Variants in PTPN20 observed in about 807,000 individuals in gnomAD.
PTPN20 encodes the protein tyrosine-protein phosphatase non-receptor type 20.
In PTPN20, 9 loss-of-function variants were observed where a neutral mutation model predicts 35.0. The ratio of observed to expected loss-of-function variants is 0.26; its 90% confidence interval spans 0.15 to 0.45. The LOEUF is 0.45. Among genes scored for constraint, PTPN20 ranks in the 20% least tolerant of loss-of-function variants. PTPN20 has a pLI of 1.00. For synonymous variants in PTPN20, 32 were observed against 100.2 expected (o/e 0.32, Z 4.06); for missense variants, 111 against 312.5 (o/e 0.36, Z 4.86).
At position 47,000,719 on chromosome 10, in the gene PTPN20, G is replaced by A. The variant is rs1203286353; in HGVS notation, c.1241G>A (p.Arg414Gln). Residue 414 changes from arginine to glutamine, a missense_variant, in exon 11 of 11, where the codon CGG (arginine) becomes CAG (glutamine). Transcript: ENST00000374339. ...TACGATATTGTGCTTGAAGTTCTTCGGAAACTTCTGACTTTGGATTAAGAA... is the reference window on the plus strand; with the variant it reads ...TACGATATTGTGCTTGAAGTTCTTCAGAAACTTCTGACTTTGGATTAAGAA... ...FCYDIVLEVL[R>Q]KLLTLD The A allele has an allele frequency of 1.2e-5, 20 of 1,613,422 alleles. No homozygotes were observed. Among genetic ancestry groups the A allele is most frequent in the African/African-American group, 8.0e-5 (6 of 74,950 alleles).
rs2059970663 is a variant in PTPN20 at position 47,000,947 on chromosome 10, C to T, written c.*206C>T. 4.8e-6 allele frequency: 3 copies of T among 628,852 alleles called. No homozygotes were observed. Among genetic ancestry groups the T allele is most frequent in the Admixed American group, 5.9e-5 (2 of 34,038 alleles). 39.0% of individuals were successfully genotyped at this position (628,852 alleles called of 1,614,324 possible). ...GTGTTTACTTATTGATCTTGCTAGA[C>T]AATATCAAAATAACTTCCCACATTT... On this transcript the variant is annotated 3_prime_UTR_variant, in exon 11 of 11. Coordinates refer to ENST00000374339, the MANE Select transcript of PTPN20 (RefSeq NM_001042357.5).
chr10:46,937,936 T>G (rs1465649856), intron 2 of PTPN20, among the ~76,000 whole-genome samples: 5 of 135,120 alleles, frequency 3.7e-5, no homozygotes, highest in African/African-American at 1.5e-4. Flanking sequence ...TTTCTTCTTT[T>G]TTCTTTTTCT....
chr10:46,949,313 G>C (rs1240684730), intron 5 of PTPN20, among the ~76,000 whole-genome samples: 1 of 152,208 alleles, frequency 6.6e-6, no homozygotes, highest in Non-Finnish European at 1.5e-5. Context: ...GTGGCTTTAC[G>C]CTGTTCTGTA....
In PTPN20 at chr10:46,995,883, GT is replaced by G. The variant is rs1363949079; in HGVS notation, c.1135-4022del. ...CCAATTCTCTTACTGCCTACTTAGAGTTTTTTTCCCATCTCTGTGGATCCAG... is the reference window on the plus strand; with the variant it reads ...CCAATTCTCTTACTGCCTACTTAGAGTTTTTTCCCATCTCTGTGGATCCAG... On this transcript the variant is annotated intron_variant, in intron 9 of 10. Transcript: ENST00000374339. Among the ~76,000 whole-genome samples the G allele has an allele frequency of 7.3e-3, 1,106 of 152,088 alleles. 8 individuals are homozygous for G. Among genetic ancestry groups the G allele is most frequent in the African/African-American group, 0.025 (1,029 of 41,484 alleles).
At chr10:46,998,338 C>G (rs2059505755) in intron 9 of PTPN20, among the ~76,000 whole-genome samples, 1 of 152,140 alleles carries the variant, frequency 6.6e-6, no homozygotes, top group Admixed American at 6.5e-5. Flanking sequence ...TTGGATGGAT[C>G]TCCAAGTTAT....
chr10:46,960,991 T>TA (rs1383371297), intron 5 of PTPN20, among the ~76,000 whole-genome samples: 2 of 100,642 alleles, frequency 2.0e-5, no homozygotes, highest in Non-Finnish European at 4.0e-5. Flanking sequence ...CTTAGTCAAC[T>TA]AGTAGTCATC....
chr10:46,997,564 AG>A (rs2137947670), intron 9 of PTPN20, among the ~76,000 whole-genome samples: 1 of 151,994 alleles, frequency 6.6e-6, no homozygotes, highest in South Asian at 2.1e-4. Context: ...CACTGATCTC[AG>A]AGGGAAAGCA....
At chr10:46,928,034 G>A (rs1480036012) in intron 1 of PTPN20, among the ~76,000 whole-genome samples, 2 of 150,278 alleles carry the variant, frequency 1.3e-5, no homozygotes, top group East Asian at 4.0e-4. Context: ...AGATAACAGA[G>A]TCATTTCAGA....
chr10:46,988,886 CTTT>C (rs1213380344), intron 9 of PTPN20, among the ~76,000 whole-genome samples: 11 of 149,768 alleles, frequency 7.3e-5, no homozygotes, highest in African/African-American at 2.7e-4. Context: ...AGATCACCTT[CTTT>C]ATTTCCTTTC....
chr10:46,936,766 CG>C (rs1220276158), intron 2 of PTPN20, among the ~76,000 whole-genome samples: 1 of 146,394 alleles, frequency 6.8e-6, no homozygotes, highest in Non-Finnish European at 1.5e-5. Flanking sequence ...TGTGGGTAAG[CG>C]GGAACTGCTT....
At chr10:46,959,104 A>G (rs1186942791) in intron 5 of PTPN20, among the ~76,000 whole-genome samples, 1 of 142,856 alleles carries the variant, frequency 7.0e-6, no homozygotes, top group Admixed American at 7.1e-5. Context: ...TGAAAATGGG[A>G]TATTGAAATC....
chr10:46,983,778 G>A (rs1555172191), intron 7 of PTPN20, among the ~76,000 whole-genome samples: 1 of 142,064 alleles, frequency 7.0e-6, no homozygotes, highest in East Asian at 2.0e-4. Context: ...TCAACTATCA[G>A]ATTTTTTTTT....
chr10:46,926,812 A>G (rs1359880156), intron 1 of PTPN20, among the ~76,000 whole-genome samples: 1 of 151,708 alleles, frequency 6.6e-6, no homozygotes, highest in Non-Finnish European at 1.5e-5. Context: ...TCTGAATAAC[A>G]AGGTATGGAA....
rs1484570219 is a variant in PTPN20, at chr10:46,997,572, A to G, written c.1135-2340A>G. 5.3e-5 allele frequency among the ~76,000 whole-genome samples: 8 copies of G among 152,028 alleles called. 1 individual carries two copies. The South Asian group carries it at 1.2e-3, about 24-fold the overall frequency. ...TTGCCATCACTGATCTCAGAGGGAA[A>G]GCAAACTAAAATTTTATGTTTTGTG... is the stretch of plus-strand genomic sequence containing the variant. On this transcript the variant is annotated intron_variant, in intron 9 of 10. Transcript: ENST00000374339.
intron 7 of PTPN20, among the ~76,000 whole-genome samples, chr10:46,976,971 G>A (rs2053873982): frequency 1.3e-5 from 2 of 151,314 alleles, no homozygotes; most frequent in African/African-American, 4.9e-5. Context: ...TTGTTTAATG[G>A]TTAATTTCAT....
chr10:46,960,767 T>A (rs1195259301), intron 5 of PTPN20, among the ~76,000 whole-genome samples: 16 of 151,980 alleles, frequency 1.1e-4, no homozygotes, highest in South Asian at 2.1e-4. Flanking sequence ...AGTAAAAATG[T>A]CTTATCCATG....
At chr10:46,988,858 T>A (rs1303314900) in intron 9 of PTPN20, among the ~76,000 whole-genome samples, 4 of 151,610 alleles carry the variant, frequency 2.6e-5, no homozygotes, top group South Asian at 2.1e-4. Flanking sequence ...TTTTTTTTTT[T>A]AATAGCTATT....
chr10:46,950,875 G>A (rs1555145519), intron 5 of PTPN20, among the ~76,000 whole-genome samples: 1 of 151,778 alleles, frequency 6.6e-6, no homozygotes, highest in Non-Finnish European at 1.5e-5. Flanking sequence ...TGCAACCATA[G>A]TTTTTAAAAT....
At chr10:46,998,859 C>T (rs1001142130) in intron 9 of PTPN20, among the ~76,000 whole-genome samples, 133 of 152,176 alleles carry the variant, frequency 8.7e-4, no homozygotes, top group African/African-American at 3.1e-3. Context: ...TGGTGGCTGA[C>T]GCCTATAATC....
Sources: allele counts gnomAD v4.1 joint callset (sites outside exome capture counted in the v4.1 genomes callset), GRCh38; gene constraint gnomAD v4.1.1; transcripts MANE v1.5; gene names NCBI Gene and HGNC (gene_info 2026-07-23, HGNC 2026-07-21).